Variants in NEMP2 observed in about 807,000 individuals in gnomAD.
NEMP2 encodes the protein UPF0571 transmembrane protein.
Under a neutral mutation model 54.2 loss-of-function variants are expected in NEMP2, and 53 were observed. The ratio of observed to expected loss-of-function variants is 0.98; its 90% confidence interval spans 0.78 to 1.23. The LOEUF (loss-of-function observed/expected upper bound fraction) is 1.23. NEMP2 is among the 50% of genes most tolerant of loss of function. NEMP2 has a pLI of 0.00. For synonymous variants in NEMP2, 197 were observed against 190.3 expected (o/e 1.04, Z -0.29); for missense variants, 455 against 511.3 (o/e 0.89, Z 1.06).
the NEMP2 span, among the ~76,000 whole-genome samples, chr2:190,591,778 T>C: frequency 6.6e-6 from 1 of 152,152 alleles, no homozygotes; most frequent in Non-Finnish European, 1.5e-5. The surrounding 1 kb of genome is among the most constrained non-coding windows in gnomAD (Gnocchi z 5.4). Flanking sequence ...GGCCAGCAAC[T>C]GGACATAACA....
At chr2:190,498,193 TA>T in the NEMP2 span, among the ~76,000 whole-genome samples, 1 of 152,224 alleles carries the variant, frequency 6.6e-6, no homozygotes, top group Non-Finnish European at 1.5e-5. This position sits in a 1 kb window ranked among gnomAD's most constrained non-coding sequence, Gnocchi z 5.9. Context: ...AAAATAAGTC[TA>T]AAAGTGTGAT....
chr2:190,455,526 C>T, the NEMP2 span, among the ~76,000 whole-genome samples: 10 of 152,228 alleles, frequency 6.6e-5, no homozygotes, highest in Middle Eastern at 3.4e-3. Context: ...TTGATCTGCA[C>T]GACCCTGGCA....
chr2:190,619,299 A>G, the NEMP2 span, among the ~76,000 whole-genome samples: 1 of 150,488 alleles, frequency 6.6e-6, no homozygotes, highest in African/African-American at 2.4e-5. The surrounding 1 kb of genome is among the most constrained non-coding windows in gnomAD (Gnocchi z 5.5). Context: ...ATCACTGGAG[A>G]CCAGCCTGGG....
At chr2:190,621,557 A>T in the NEMP2 span, among the ~76,000 whole-genome samples, 5 of 151,764 alleles carry the variant, frequency 3.3e-5, no homozygotes, top group African/African-American at 1.2e-4. Context: ...TGACCTATAT[A>T]TTCAATGCAA....
rs988769046 is a variant in NEMP2 at position 190,530,177 on chromosome 2, G to A, written c.97+4382C>T. ...CAACCAGATTAAGGACAGCATAGAA[G>A]GAAGGAGGTTGTCCTGACTGTTCAT... On this transcript the variant is annotated intron_variant, in intron 1 of 8. Transcript: ENST00000409150. The surrounding 1 kb of genome is among the most constrained non-coding windows in gnomAD (Gnocchi z 4.6). Among the ~76,000 whole-genome samples, 4 of 152,230 alleles carry A rather than the reference G, an allele frequency of 2.6e-5. No individual in the cohort carries two copies. Among genetic ancestry groups the A allele is most frequent in the Non-Finnish European group, 4.4e-5 (3 of 68,046 alleles).
chr2:190,590,673 T>C, the NEMP2 span, among the ~76,000 whole-genome samples: 1 of 152,210 alleles, frequency 6.6e-6, no homozygotes, highest in Non-Finnish European at 1.5e-5. This position sits in a 1 kb window ranked among gnomAD's most constrained non-coding sequence, Gnocchi z 5.1. Context: ...ATAGACTTAT[T>C]TTAAAAATTC....
At chr2:190,476,946 T>G in the NEMP2 span, among the ~76,000 whole-genome samples, 33 of 150,896 alleles carry the variant, frequency 2.2e-4, no homozygotes, top group South Asian at 1.0e-3. Context: ...CAGCAAACTA[T>G]TGTAAGGACA....
At chr2:190,607,268 T>C in the NEMP2 span, among the ~76,000 whole-genome samples, 295 of 152,180 alleles carry the variant, frequency 1.9e-3, 2 homozygotes, top group Admixed American at 0.015. This position sits in a 1 kb window ranked among gnomAD's most constrained non-coding sequence, Gnocchi z 5.2. Flanking sequence ...GTCAGAAAGA[T>C]GAGGCTGGAA....
the NEMP2 span, among the ~76,000 whole-genome samples, chr2:190,432,451 G>A: frequency 3.9e-5 from 6 of 152,142 alleles, no homozygotes; most frequent in Admixed American, 1.3e-4. Flanking sequence ...GTCTTGCTCC[G>A]TCACCCAGGC....
chr2:190,533,081 G>A lies in NEMP2; in HGVS notation c.97+1478C>T, dbSNP rs1691209109. On this transcript the variant is annotated intron_variant, in intron 1 of 8. Coordinates refer to ENST00000409150, the MANE Select transcript of NEMP2 (RefSeq NM_001142645.2). The surrounding 1 kb of genome is among the most constrained non-coding windows in gnomAD (Gnocchi z 4.3). Reference sequence around the variant, plus strand: ...AACATAAAAACTTTAAAAACACCAGGTTCACTGAGGTGAGGAAAATACTGG... The same window carrying A: ...AACATAAAAACTTTAAAAACACCAGATTCACTGAGGTGAGGAAAATACTGG... 6.6e-6 allele frequency among the ~76,000 whole-genome samples: 1 copy of A among 152,164 alleles called. No individual in the cohort carries two copies. The highest frequency in any genetic ancestry group is 1.5e-5 in the Non-Finnish European group (1 of 68,034).
intron 7 of NEMP2, among the ~76,000 whole-genome samples, chr2:190,511,793 A>T (rs573906761): frequency 9.2e-5 from 14 of 151,454 alleles, no homozygotes; most frequent in Admixed American, 8.5e-4. Context: ...TGACCTCATG[A>T]TCCATCCACC....
the NEMP2 span, among the ~76,000 whole-genome samples, chr2:190,460,290 A>G: frequency 3.9e-5 from 6 of 152,344 alleles, no homozygotes; most frequent in East Asian, 9.6e-4. Flanking sequence ...GTTGCAGAAT[A>G]TAGACATCTA....
At chr2:190,466,052 G>C in the NEMP2 span, among the ~76,000 whole-genome samples, 1 of 152,190 alleles carries the variant, frequency 6.6e-6, no homozygotes, top group Non-Finnish European at 1.5e-5. Context: ...TTACTTCCAA[G>C]GGCCTCTCTC....
the NEMP2 span, among the ~76,000 whole-genome samples, chr2:190,559,929 AAGG>A: frequency 6.6e-6 from 1 of 152,164 alleles, no homozygotes; most frequent in African/African-American, 2.4e-5. This position sits in a 1 kb window ranked among gnomAD's most constrained non-coding sequence, Gnocchi z 4.0. Flanking sequence ...CAGTATCTAA[AAGG>A]AGGAGGTGAG....
the NEMP2 span, among the ~76,000 whole-genome samples, chr2:190,491,219 A>G: frequency 6.6e-6 from 1 of 152,198 alleles, no homozygotes; most frequent in African/African-American, 2.4e-5. This position sits in a 1 kb window ranked among gnomAD's most constrained non-coding sequence, Gnocchi z 4.2. Context: ...TTTTTAAAAT[A>G]CTTGTGTTCT....
chr2:190,640,401 CA>C, the NEMP2 span, among the ~76,000 whole-genome samples: 2 of 152,156 alleles, frequency 1.3e-5, no homozygotes, highest in Non-Finnish European at 2.9e-5. Context: ...TTATTTGGAA[CA>C]GTTTATTTAA....
chr2:190,574,009 C>A, the NEMP2 span, among the ~76,000 whole-genome samples: 1 of 152,308 alleles, frequency 6.6e-6, no homozygotes, highest in South Asian at 2.1e-4. Flanking sequence ...CAAATGTCAT[C>A]CAGCTAGGAA....
the NEMP2 span, among the ~76,000 whole-genome samples, chr2:190,614,468 G>A: frequency 6.6e-6 from 1 of 152,016 alleles, no homozygotes. This position sits in a 1 kb window ranked among gnomAD's most constrained non-coding sequence, Gnocchi z 5.7. Flanking sequence ...AAAACATGAA[G>A]GCCTTTTAAA....
the NEMP2 span, among the ~76,000 whole-genome samples, chr2:190,586,979 AATTT>A: frequency 8.3e-4 from 126 of 152,178 alleles, no homozygotes; most frequent in African/African-American, 2.9e-3. This position sits in a 1 kb window ranked among gnomAD's most constrained non-coding sequence, Gnocchi z 4.5. Context: ...GAAGGTTGAA[AATTT>A]ATTTATGTAA....
Sources: gnomAD v4.1 joint callset for allele counts (sites outside exome capture counted in the v4.1 genomes callset) on GRCh38, gnomAD v4.1.1 for gene constraint, Gnocchi (gnomAD v3.1) non-coding constraint, MANE v1.5 for transcripts, NCBI Gene and HGNC (gene_info 2026-07-23, HGNC 2026-07-21) for gene names.